Variants in GRM8 observed in about 807,000 individuals in gnomAD.
The protein encoded by GRM8 is glutamate metabotropic receptor 8.
Under a neutral mutation model 87.2 loss-of-function variants are expected in GRM8, and 47 were observed. That is an observed-to-expected ratio of 0.54 (90% confidence interval 0.43 to 0.69). GRM8 has a LOEUF of 0.69. Ranked by LOEUF, GRM8 falls within the 30% of genes least tolerant of loss-of-function variation. The pLI, the probability that GRM8 is intolerant of heterozygous loss-of-function variation, is 0.00. For synonymous variants in GRM8, 396 were observed against 404.5 expected, an observed-to-expected ratio of 0.98 and a Z score of 0.25; for missense variants, 1,019 against 1,139.2, an observed-to-expected ratio of 0.89 and a Z score of 1.52.
chr7:126,838,391 T>G (rs28417454), intron 6 of GRM8, among the ~76,000 whole-genome samples: 21 of 152,280 alleles, frequency 1.4e-4, no homozygotes, highest in Non-Finnish European at 1.9e-4. Flanking sequence ...TATTCAACAC[T>G]GAGGTACTGA....
intron 8 of GRM8, among the ~76,000 whole-genome samples, chr7:126,581,635 T>A (rs1010952446): frequency 6.6e-6 from 1 of 152,130 alleles, no homozygotes; most frequent in East Asian, 1.9e-4. Flanking sequence ...TGCTTTTTTT[T>A]ATTGTACTTC....
At chr7:126,701,822 G>A (rs529484467) in intron 7 of GRM8, 53 of 1,254,404 alleles carry the variant, frequency 4.2e-5, no homozygotes, top group Admixed American at 2.1e-4. Context: ...ATCCCTCTTC[G>A]GCAACCTAAG....
At chr7:126,946,906 A>G (rs1203445031) in intron 3 of GRM8, among the ~76,000 whole-genome samples, 1 of 152,192 alleles carries the variant, frequency 6.6e-6, no homozygotes, top group African/African-American at 2.4e-5. Flanking sequence ...CCTAGACACA[A>G]TATATAACAA....
intron 3 of GRM8, among the ~76,000 whole-genome samples, chr7:126,984,948 C>A (rs774557261): frequency 3.7e-4 from 57 of 152,184 alleles, no homozygotes; most frequent in South Asian, 8.3e-4. Context: ...TATATACCTG[C>A]ATATGCCTCA....
chr7:126,634,239 A>G (rs1166240609), intron 7 of GRM8, among the ~76,000 whole-genome samples: 1 of 152,152 alleles, frequency 6.6e-6, no homozygotes, highest in African/African-American at 2.4e-5. Flanking sequence ...TGTATCTGCA[A>G]AAATAAAAAG....
intron 2 of GRM8, among the ~76,000 whole-genome samples, chr7:127,181,841 A>G (rs141986963): frequency 8.3e-4 from 127 of 152,248 alleles, no homozygotes; most frequent in African/African-American, 2.4e-3. Context: ...ACAAAAATCA[A>G]CTCAAGACGG....
At chr7:127,088,992 T>C (rs2132873794) in intron 3 of GRM8, among the ~76,000 whole-genome samples, 1 of 152,208 alleles carries the variant, frequency 6.6e-6, no homozygotes, top group East Asian at 1.9e-4. Flanking sequence ...CCACTAAAGG[T>C]GCTGTATTGG....
chr7:126,730,229 A>C (rs1341728021), intron 7 of GRM8, among the ~76,000 whole-genome samples: 1 of 152,212 alleles, frequency 6.6e-6, no homozygotes. Flanking sequence ...CTAGCAATGC[A>C]CTGATTTAGA....
intron 7 of GRM8, among the ~76,000 whole-genome samples, chr7:126,612,929 C>T (rs2151110750): frequency 6.6e-6 from 1 of 152,254 alleles, no homozygotes; most frequent in South Asian, 2.1e-4. Context: ...ACATTAGAAA[C>T]CACGGGGAAA....
At position 127,091,411 on chromosome 7, in the gene GRM8, G is replaced by C. The variant is rs916608; in HGVS notation, c.727+15085C>G. ...TGGTCATCCCCCCACCACCATCCCC[G>C]TCTCACTGATGACTGGTCATCCCCC... is the stretch of plus-strand genomic sequence containing the variant. On this transcript the variant is annotated intron_variant, in intron 3 of 10. Transcript: ENST00000339582. 1.3e-3 allele frequency among the ~76,000 whole-genome samples: 59 copies of C among 46,668 alleles called. 1 individual carries two copies. The highest frequency in any genetic ancestry group is 8.4e-3 in the African/African-American group (58 of 6,884). The allele number at this position is 46,668 out of a possible 152,430, so 30.6% of individuals were successfully genotyped here.
intron 6 of GRM8, among the ~76,000 whole-genome samples, chr7:126,800,608 T>G (rs1822560330): frequency 1.3e-5 from 2 of 152,118 alleles, no homozygotes; most frequent in Non-Finnish European, 2.9e-5. Context: ...GGGCATGAAG[T>G]TTCAAAGAAT....
At chr7:126,691,739 AGC>A (rs1808835361) in intron 7 of GRM8, among the ~76,000 whole-genome samples, 1 of 152,172 alleles carries the variant, frequency 6.6e-6, no homozygotes, top group Non-Finnish European at 1.5e-5. Flanking sequence ...TAAGCATGCA[AGC>A]AGGAGGGTAA....
At chr7:126,909,299 A>T (rs1201627035) in intron 3 of GRM8, among the ~76,000 whole-genome samples, 1 of 152,220 alleles carries the variant, frequency 6.6e-6, no homozygotes, top group African/African-American at 2.4e-5. Context: ...ATGAAATTCA[A>T]AGATTCAGAC....
At chr7:126,557,836 T>TAC (rs1793311507) in intron 8 of GRM8, among the ~76,000 whole-genome samples, 1 of 152,100 alleles carries the variant, frequency 6.6e-6, no homozygotes, top group Admixed American at 6.6e-5. Context: ...ATTATATATA[T>TAC]ACACTATATA....
At chr7:126,822,669 C>T (rs1006930165) in intron 6 of GRM8, among the ~76,000 whole-genome samples, 3 of 152,064 alleles carry the variant, frequency 2.0e-5, no homozygotes, top group Non-Finnish European at 4.4e-5. Context: ...TCCTGCGGCT[C>T]AAGTGATCTT....
At chr7:127,238,342 G>A (rs1410115319) in intron 2 of GRM8, among the ~76,000 whole-genome samples, 1 of 149,804 alleles carries the variant, frequency 6.7e-6, no homozygotes, top group Non-Finnish European at 1.5e-5. Flanking sequence ...GTGTGTGTTA[G>A]GGTACACTAG....
At chr7:127,023,811 T>A (rs971800524) in intron 3 of GRM8, among the ~76,000 whole-genome samples, 1 of 152,106 alleles carries the variant, frequency 6.6e-6, no homozygotes, top group Non-Finnish European at 1.5e-5. Context: ...TGTTTGCTCA[T>A]TAAAGTGAGG....
At chr7:127,130,509 C>G (rs1485188265) in intron 2 of GRM8, among the ~76,000 whole-genome samples, 1 of 152,192 alleles carries the variant, frequency 6.6e-6, no homozygotes, top group Non-Finnish European at 1.5e-5. Flanking sequence ...ACAGGTCACT[C>G]ATGTTATGCT....
intron 2 of GRM8, among the ~76,000 whole-genome samples, chr7:127,202,163 G>T (rs570618422): frequency 6.9e-6 from 1 of 144,684 alleles, no homozygotes; most frequent in South Asian, 2.3e-4. Flanking sequence ...CATGATAACA[G>T]AACTTTCTTT....
Sources: gnomAD v4.1 joint callset for allele counts (sites outside exome capture counted in the v4.1 genomes callset) on GRCh38, gnomAD v4.1.1 for gene constraint, MANE v1.5 for transcripts, NCBI Gene and HGNC (gene_info 2026-07-23, HGNC 2026-07-21) for gene names.